SLC35F4: variants seen among roughly 807,000 people sequenced by gnomAD.
SLC35F4 encodes chromosome 14 open reading frame 36.
Under a neutral mutation model 44.2 loss-of-function variants are expected in SLC35F4, and 24 were observed. The observed-to-expected ratio is 0.54, with a 90% confidence interval of 0.39 to 0.76. The LOEUF is 0.76. Among genes scored for constraint, SLC35F4 ranks in the 30% least tolerant of loss-of-function variants. The pLI, the probability that SLC35F4 is intolerant of heterozygous loss-of-function variation, is 0.00. For missense variants in SLC35F4, 562 were observed against 586.1 expected, an observed-to-expected ratio of 0.96 and a Z score of 0.42; for synonymous variants, 238 against 223.6, an observed-to-expected ratio of 1.06 and a Z score of -0.57.
downstream of SLC35F4, among the ~76,000 whole-genome samples, chr14:57,972,819 C>G (rs953698597): frequency 6.6e-6 from 1 of 152,178 alleles, no homozygotes; most frequent in African/African-American, 2.4e-5. Context: ...TCTGGATGCT[C>G]TAGTCATATG....
At chr14:57,895,695 C>T (rs2141042001) in intron 1 of SLC35F4, among the ~76,000 whole-genome samples, 1 of 152,144 alleles carries the variant, frequency 6.6e-6, no homozygotes, top group Admixed American at 6.6e-5. Context: ...TTTCCTGAGG[C>T]CTCCCAGTCA....
chr14:57,860,205 C>T (rs1018099958), intron 1 of SLC35F4, among the ~76,000 whole-genome samples: 1 of 152,018 alleles, frequency 6.6e-6, no homozygotes, highest in Non-Finnish European at 1.5e-5. Context: ...GGGGATGATA[C>T]CAGAGCTGGT....
intron 1 of SLC35F4, among the ~76,000 whole-genome samples, chr14:57,626,816 G>T (rs2072498847): frequency 6.6e-6 from 1 of 152,130 alleles, no homozygotes; most frequent in Non-Finnish European, 1.5e-5. Context: ...GGCAGCACAT[G>T]GTTTGGTTAA....
At chr14:57,699,288 T>C (rs1018535821) in intron 1 of SLC35F4, among the ~76,000 whole-genome samples, 3 of 152,174 alleles carry the variant, frequency 2.0e-5, no homozygotes, top group African/African-American at 4.8e-5. Context: ...TTTCACGTTA[T>C]AGTACTGAAA....
chr14:57,642,409 A>G (rs939186385), intron 1 of SLC35F4, among the ~76,000 whole-genome samples: 2 of 151,992 alleles, frequency 1.3e-5, no homozygotes, highest in African/African-American at 4.8e-5. Flanking sequence ...TGGAATATAA[A>G]CGATTATCCT....
chr14:57,677,837 G>A (rs1227097868), intron 1 of SLC35F4, among the ~76,000 whole-genome samples: 5 of 151,906 alleles, frequency 3.3e-5, no homozygotes, highest in Non-Finnish European at 7.4e-5. Context: ...TGAAAAATGG[G>A]CAAGGGTCAT....
intron 1 of SLC35F4, among the ~76,000 whole-genome samples, chr14:57,604,802 G>A (rs1028121496): frequency 2.6e-5 from 4 of 152,022 alleles, no homozygotes; most frequent in African/African-American, 9.7e-5. Flanking sequence ...AAATAGAGCT[G>A]CACATCTACA....
chr14:57,796,064 T>G (rs2078047730), intron 1 of SLC35F4, among the ~76,000 whole-genome samples: 1 of 152,212 alleles, frequency 6.6e-6, no homozygotes, highest in Non-Finnish European at 1.5e-5. Context: ...TTTCTGTTCC[T>G]GCATTAATTC....
At chr14:57,622,058 C>G (rs1460550443) in intron 1 of SLC35F4, among the ~76,000 whole-genome samples, 2 of 149,578 alleles carry the variant, frequency 1.3e-5, no homozygotes, top group South Asian at 2.1e-4. Context: ...CCAAAAAACA[C>G]ATGAAAAAAT....
At chr14:57,580,726 T>C (rs1166347259) in intron 4 of SLC35F4, among the ~76,000 whole-genome samples, 1 of 152,174 alleles carries the variant, frequency 6.6e-6, no homozygotes. Flanking sequence ...ATATAGTCAC[T>C]TTTAACAGCA....
intron 1 of SLC35F4, among the ~76,000 whole-genome samples, chr14:57,697,991 C>A (rs2075432379): frequency 6.6e-6 from 1 of 152,164 alleles, no homozygotes; most frequent in African/African-American, 2.4e-5. Flanking sequence ...TCACCATTTA[C>A]CGGCTACATG....
intron 1 of SLC35F4, among the ~76,000 whole-genome samples, chr14:57,759,110 CAT>C (rs200839371): frequency 0.013 from 1,944 of 152,204 alleles, 21 homozygotes; most frequent in Non-Finnish European, 0.018. Flanking sequence ...ATGTTTATAT[CAT>C]ATTTTCTCTA....
At chr14:57,877,709 G>T (rs1888430607) in intron 1 of SLC35F4, among the ~76,000 whole-genome samples, 1 of 83,602 alleles carries the variant, frequency 1.2e-5, no homozygotes, top group African/African-American at 4.4e-5. Flanking sequence ...TTTTTGAGAT[G>T]GAGTCTTGCT....
chr14:57,961,459 A>G (rs1351913974), intron 1 of SLC35F4, among the ~76,000 whole-genome samples: 2 of 152,136 alleles, frequency 1.3e-5, no homozygotes, highest in Non-Finnish European at 2.9e-5. Context: ...CACACTCCTT[A>G]GGTCTTTTCC....
chr14:57,686,471 G>T (rs2075071595), intron 1 of SLC35F4, among the ~76,000 whole-genome samples: 1 of 152,244 alleles, frequency 6.6e-6, no homozygotes, highest in South Asian at 2.1e-4. Context: ...AGAAGACTTT[G>T]GTTCCCTTTT....
intron 1 of SLC35F4, among the ~76,000 whole-genome samples, chr14:57,687,320 C>T (rs186888030): frequency 1.0e-3 from 156 of 152,198 alleles, no homozygotes; most frequent in African/African-American, 3.4e-3. Flanking sequence ...TACCATGGGA[C>T]GTATTGAATT....
chr14:57,593,962 C>G lies in SLC35F4; in HGVS notation c.266G>C (p.Arg89Thr). ...ACCTGATCTGTTCTGTCTCTCAACT[C>G]TGTGTCCACAAACTCCTGAGGATCC... is the stretch of plus-strand genomic sequence containing the variant. ...NQGSSGVCGH[R>T]VERQNRSADD... is the part of the protein sequence containing the mutation. The change falls in exon 2 of 8, where the codon AGA (arginine) becomes ACA (threonine). Residue 89 changes from arginine (R) to threonine (T), a missense_variant. By Grantham distance (71) the Arg-to-Thr change is moderately conservative (BLOSUM62 -1). Transcript: ENST00000556826. 6.2e-7 allele frequency: 1 copy of G among 1,613,874 alleles called. No homozygotes were observed.
chr14:57,919,202 A>T (rs546441423), intron 1 of SLC35F4, among the ~76,000 whole-genome samples: 3 of 152,320 alleles, frequency 2.0e-5, no homozygotes, highest in Non-Finnish European at 2.9e-5. Flanking sequence ...CACACATCAG[A>T]CTGGTATATG....
chr14:57,797,295 A>G (rs1004589060), intron 1 of SLC35F4, among the ~76,000 whole-genome samples: 18 of 152,158 alleles, frequency 1.2e-4, no homozygotes, highest in African/African-American at 4.3e-4. Context: ...TGCCCCAGGT[A>G]ATTTATGATT....
Sources: allele counts gnomAD v4.1 joint callset (sites outside exome capture counted in the v4.1 genomes callset), GRCh38; gene constraint gnomAD v4.1.1; transcripts MANE v1.5; gene names NCBI Gene and HGNC (gene_info 2026-07-23, HGNC 2026-07-21).